The following ROR1 variants were observed in gnomAD, a reference collection of about 807,000 sequenced individuals.
The protein encoded by ROR1 is inactive tyrosine-protein kinase transmembrane receptor ROR1.
In ROR1, 19 loss-of-function variants were observed where a neutral mutation model predicts 78.8. That is an observed-to-expected ratio of 0.24 (90% CI 0.17 to 0.35). The LOEUF is 0.35. Among genes scored for constraint, ROR1 ranks in the 10% least tolerant of loss-of-function variants. The probability of loss-of-function intolerance (pLI) is 1.00; values close to 1 mark genes in which losing one functional copy is unlikely to be tolerated. For missense variants in ROR1, 917 were observed against 1,177.8 expected (o/e 0.78, Z 3.24); for synonymous variants, 386 against 433.6 (o/e 0.89, Z 1.36).
intron 1 of ROR1, among the ~76,000 whole-genome samples, chr1:63,811,288 G>A (rs910714995): frequency 2.6e-5 from 4 of 152,306 alleles, no homozygotes; most frequent in African/African-American, 7.2e-5. Flanking sequence ...GACTCGGAGC[G>A]TCCAGGAGCT....
chr1:63,898,941 A>G (rs1182579706), intron 1 of ROR1, among the ~76,000 whole-genome samples: 3 of 151,838 alleles, frequency 2.0e-5, no homozygotes, highest in African/African-American at 7.3e-5. Context: ...TCTGATGGGG[A>G]AATGAAGTTA....
intron 1 of ROR1, among the ~76,000 whole-genome samples, chr1:63,885,024 G>A (rs1645348053): frequency 6.6e-6 from 1 of 152,148 alleles, no homozygotes; most frequent in Non-Finnish European, 1.5e-5. Flanking sequence ...CTCTAAAAAT[G>A]TGAGGAAATT....
At chr1:64,150,146 ATGT>A (rs1649581987) in intron 7 of ROR1, among the ~76,000 whole-genome samples, 1 of 152,162 alleles carries the variant, frequency 6.6e-6, no homozygotes, top group Admixed American at 6.5e-5. Flanking sequence ...CCATGCCAGC[ATGT>A]CTGTTTCTCC....
At chr1:64,050,655 T>A in intron 3 of ROR1, 31 bp from the exon 4 acceptor site, 4 of 1,609,816 alleles carry the variant, frequency 2.5e-6, no homozygotes. Flanking sequence ...CTAGACTGAC[T>A]GTTTCTTTTG....
At chr1:63,986,736 A>AT (rs1407332508) in intron 1 of ROR1, among the ~76,000 whole-genome samples, 1 of 151,164 alleles carries the variant, frequency 6.6e-6, no homozygotes, top group Non-Finnish European at 1.5e-5. Flanking sequence ...TACACAGAAA[A>AT]TTTTTTTTTA....
At chr1:63,830,202 G>C (rs1049582735) in intron 1 of ROR1, among the ~76,000 whole-genome samples, 1 of 152,134 alleles carries the variant, frequency 6.6e-6, no homozygotes, top group Non-Finnish European at 1.5e-5. Flanking sequence ...CCCAGAGAGT[G>C]TCACAGTACC....
chr1:64,158,529 C>T (rs1194947112), intron 7 of ROR1, among the ~76,000 whole-genome samples: 1 of 152,204 alleles, frequency 6.6e-6, no homozygotes, highest in Non-Finnish European at 1.5e-5. Context: ...TAAGTCCAAA[C>T]CAGCCAAGAC....
At chr1:63,795,120 T>C (rs1644752110) in intron 1 of ROR1, among the ~76,000 whole-genome samples, 2 of 151,904 alleles carry the variant, frequency 1.3e-5, no homozygotes, top group Admixed American at 1.3e-4. Context: ...TTCAGGAAGG[T>C]TCTGGTGGGA....
chr1:64,050,363 C>G (rs1015999148), intron 3 of ROR1, among the ~76,000 whole-genome samples: 7 of 152,292 alleles, frequency 4.6e-5, no homozygotes, highest in Middle Eastern at 3.4e-3. Context: ...CTCACTGTTG[C>G]AATCAACACC....
intron 4 of ROR1, among the ~76,000 whole-genome samples, chr1:64,092,832 A>G (rs1443410877): frequency 6.6e-6 from 1 of 152,192 alleles, no homozygotes; most frequent in Non-Finnish European, 1.5e-5. Flanking sequence ...TATCAAGAGA[A>G]TAATCTGCTT....
chr1:64,176,462 A>C (rs1650382218), intron 8 of ROR1, among the ~76,000 whole-genome samples: 1 of 150,268 alleles, frequency 6.7e-6, no homozygotes, highest in South Asian at 2.1e-4. Flanking sequence ...AAGTACAATT[A>C]TTATCATCCC....
At chr1:64,176,792 A>G (rs1569891684) in intron 8 of ROR1, among the ~76,000 whole-genome samples, 3 of 152,272 alleles carry the variant, frequency 2.0e-5, no homozygotes, top group Admixed American at 6.5e-5. Context: ...CAGAAGGACA[A>G]TCTTTTGTTT....
intron 8 of ROR1, among the ~76,000 whole-genome samples, chr1:64,173,868 A>G (rs777905365): frequency 3.9e-5 from 6 of 152,064 alleles, no homozygotes; most frequent in Non-Finnish European, 7.4e-5. Flanking sequence ...CTTCCACACG[A>G]GTTCTTGTTG....
At position 64,109,068 on chromosome 1, in the gene ROR1, T is replaced by G. The variant is rs550132717; in HGVS notation, c.483-28301T>G. Reference sequence around the variant, plus strand: ...AAAGAAGCTCCACAGGTACTTCTGATACAAACCCCCGGCTTAGATCTCTGG... The same window carrying G: ...AAAGAAGCTCCACAGGTACTTCTGAGACAAACCCCCGGCTTAGATCTCTGG... On this transcript the variant is annotated intron_variant, in intron 4 of 8. Coordinates refer to ENST00000371079, the MANE Select transcript of ROR1 (RefSeq NM_005012.4). 2.1e-3 allele frequency among the ~76,000 whole-genome samples: 322 copies of G among 152,264 alleles called. 1 individual carries two copies. Among genetic ancestry groups the G allele is most frequent in the African/African-American group, 7.6e-3 (314 of 41,570 alleles).
At chr1:64,025,134 CCTTTTCAGT>C (rs1400173590) in intron 2 of ROR1, among the ~76,000 whole-genome samples, 1 of 152,148 alleles carries the variant, frequency 6.6e-6, no homozygotes, top group African/African-American at 2.4e-5. Flanking sequence ...GTAATCACTT[CCTTTTCAGT>C]CTGAATCAAA....
intron 2 of ROR1, among the ~76,000 whole-genome samples, chr1:64,014,008 A>G (rs1391182404): frequency 6.6e-6 from 1 of 152,236 alleles, no homozygotes; most frequent in African/African-American, 2.4e-5. Context: ...TAGAACAGAT[A>G]GGCAACAGAG....
intron 1 of ROR1, among the ~76,000 whole-genome samples, chr1:63,980,312 G>A (rs12063015): frequency 0.029 from 4,485 of 152,074 alleles, 239 homozygotes; most frequent in African/African-American, 0.1. Context: ...GAAATGAGAC[G>A]CCATGGATAT....
intron 1 of ROR1, among the ~76,000 whole-genome samples, chr1:63,984,054 C>T (rs1322649601): frequency 6.6e-6 from 1 of 152,056 alleles, no homozygotes; most frequent in African/African-American, 2.4e-5. Flanking sequence ...TTCTATGTGC[C>T]TGATAGTTCA....
intron 4 of ROR1, among the ~76,000 whole-genome samples, chr1:64,061,507 T>C (rs773835120): frequency 8.5e-5 from 13 of 152,204 alleles, no homozygotes; most frequent in Non-Finnish European, 1.6e-4. Flanking sequence ...TCTCAAGTTG[T>C]AATGTGCATA....
Sources: gnomAD v4.1 joint callset for allele counts (sites outside exome capture counted in the v4.1 genomes callset) on GRCh38, gnomAD v4.1.1 for gene constraint, MANE v1.5 for transcripts, NCBI Gene and HGNC (gene_info 2026-07-23, HGNC 2026-07-21) for gene names.